Variants in CAB39 observed in about 807,000 individuals in gnomAD.
CAB39 encodes the protein calcium-binding protein 39.
Under a neutral mutation model 40.0 loss-of-function variants are expected in CAB39, and 8 were observed. The ratio of observed to expected loss-of-function variants is 0.20; its 90% CI spans 0.12 to 0.36. The LOEUF (loss-of-function observed/expected upper bound fraction) is 0.36. CAB39 is among the 10% of genes least tolerant of loss of function. The pLI, the probability that CAB39 is intolerant of heterozygous loss-of-function variation, is 1.00. For synonymous variants in CAB39, 156 were observed against 141.6 expected (o/e 1.10, Z -0.72); for missense variants, 270 against 401.1 (o/e 0.67, Z 2.79).
intron 1 of CAB39, among the ~76,000 whole-genome samples, chr2:230,748,831 A>AAAAATATATATATATATATATAT (rs1386799920): frequency 3.5e-5 from 1 of 28,512 alleles, no homozygotes; most frequent in Non-Finnish European, 6.3e-5. Context: ...AAAAAAAAAA[A>AAAAATATATATATATATATATAT]ATATATATAT....
At chr2:230,779,553 C>T (rs1219635306) in intron 2 of CAB39, 1 of 152,162 alleles carries the variant, frequency 6.6e-6, no homozygotes, top group African/African-American at 2.4e-5. Context: ...GCAGTCTGCC[C>T]ATGAAAAGTA....
rs182061001 is a variant in CAB39 at position 230,763,465 on chromosome 2, G to A, written c.114+3350G>A. 2.6e-3 allele frequency among the ~76,000 whole-genome samples: 395 copies of A among 152,024 alleles called. 3 individuals are homozygous for A. The highest frequency in any genetic ancestry group is 8.8e-3 in the African/African-American group (366 of 41,470). ...AAATTAGCCAGGCACGGTGGCACAC[G>A]CCTGTAATCCCAGCTACTCAAAGAG... On this transcript the variant is annotated intron_variant, in intron 2 of 8. Coordinates refer to ENST00000258418, the MANE Select transcript of CAB39 (RefSeq NM_016289.4).
intron 5 of CAB39, among the ~76,000 whole-genome samples, chr2:230,800,223 G>A (rs1216501158): frequency 6.6e-6 from 1 of 152,038 alleles, no homozygotes; most frequent in East Asian, 1.9e-4. Context: ...TCCCACCTCA[G>A]AGTGAATGAA....
intron 2 of CAB39, among the ~76,000 whole-genome samples, chr2:230,788,809 C>T (rs1695842212): frequency 1.3e-5 from 2 of 152,036 alleles, no homozygotes; most frequent in African/African-American, 4.8e-5. Context: ...TATTTTTTCC[C>T]TCTGGCTACT....
At chr2:230,757,429 A>G (rs1276263247) in intron 1 of CAB39, among the ~76,000 whole-genome samples, 1 of 152,154 alleles carries the variant, frequency 6.6e-6, no homozygotes, top group Non-Finnish European at 1.5e-5. Flanking sequence ...TTACTAGTTC[A>G]TATGTTCTGT....
intron 1 of CAB39, among the ~76,000 whole-genome samples, chr2:230,732,001 A>G (rs1255152122): frequency 1.3e-5 from 2 of 152,164 alleles, no homozygotes; most frequent in African/African-American, 4.8e-5. Flanking sequence ...AAATCTACAG[A>G]AAGTAGAATT....
intron 5 of CAB39, among the ~76,000 whole-genome samples, chr2:230,805,799 A>T (rs7584649): frequency 6.6e-6 from 1 of 152,220 alleles, no homozygotes; most frequent in East Asian, 1.9e-4. Context: ...TGTATGTTAT[A>T]TCCATATGCT....
At chr2:230,766,193 A>C (rs183929394) in intron 2 of CAB39, among the ~76,000 whole-genome samples, 1 of 152,364 alleles carries the variant, frequency 6.6e-6, no homozygotes, top group African/African-American at 2.4e-5. Context: ...TCTGATGACT[A>C]TAAACCCAGG....
chr2:230,759,200 T>G (rs1042346284), intron 1 of CAB39, among the ~76,000 whole-genome samples: 1 of 152,160 alleles, frequency 6.6e-6, no homozygotes, highest in African/African-American at 2.4e-5. Flanking sequence ...ATGGGAGATT[T>G]TATTCCCCTG....
intron 1 of CAB39, among the ~76,000 whole-genome samples, chr2:230,737,868 A>C (rs1015127474): frequency 1.3e-5 from 2 of 152,226 alleles, no homozygotes; most frequent in African/African-American, 4.8e-5. Context: ...GTCAACACTT[A>C]CCTGGAAAGC....
intron 1 of CAB39, among the ~76,000 whole-genome samples, chr2:230,728,632 C>T (rs1210486804): frequency 6.6e-6 from 1 of 152,154 alleles, no homozygotes; most frequent in Non-Finnish European, 1.5e-5. Context: ...TTTTTTGAGA[C>T]AGGGTCTTGC....
chr2:230,715,376 A>G (rs1694329929), intron 1 of CAB39, among the ~76,000 whole-genome samples: 1 of 152,168 alleles, frequency 6.6e-6, no homozygotes, highest in Non-Finnish European at 1.5e-5. Flanking sequence ...TTGTTGAATA[A>G]AGTTTTTCTT....
At chr2:230,774,433 G>A (rs1162955916) in intron 2 of CAB39, among the ~76,000 whole-genome samples, 1 of 152,048 alleles carries the variant, frequency 6.6e-6, no homozygotes, top group Non-Finnish European at 1.5e-5. Flanking sequence ...TTTTAAAAAA[G>A]CGGTTAATGT....
chr2:230,819,026 T>C lies in CAB39; in HGVS notation c.*322T>C, dbSNP rs775564148. Reference sequence around the variant, plus strand: ...TGGTTTAGGAAAGAGGGCACTGATATCAGATTAGACCTATGTGTTTGCACC... The same window carrying C: ...TGGTTTAGGAAAGAGGGCACTGATACCAGATTAGACCTATGTGTTTGCACC... On this transcript the variant is annotated 3_prime_UTR_variant, in exon 9 of 9. Coordinates refer to ENST00000258418, the MANE Select transcript of CAB39 (RefSeq NM_016289.4). 7.7e-5 allele frequency: 20 copies of C among 260,208 alleles called. No individual in the cohort carries two copies. The highest frequency in any genetic ancestry group is 1.3e-3 in the Middle Eastern group (1 of 778). The allele number at this position is 260,208 out of a possible 1,614,324, so 16.1% of individuals were successfully genotyped here. A position where few individuals can be genotyped will look rare whatever the true frequency, so the allele number is the denominator to read the frequency against.
chr2:230,725,455 A>C (rs1575900905), intron 1 of CAB39: 6 of 1,443,286 alleles, frequency 4.2e-6, no homozygotes, highest in East Asian at 2.3e-5. Context: ...TCCTCCCGCC[A>C]CCCGGCCACT....
intron 3 of CAB39, 77 bp downstream of exon 3, chr2:230,791,113 C>A: frequency 9.9e-6 from 11 of 1,108,206 alleles, no homozygotes; most frequent in Non-Finnish European, 1.4e-5. Flanking sequence ...TCTTTTGGAA[C>A]ATTGTAAGAT....
chr2:230,787,468 T>C (rs764946478), intron 2 of CAB39, among the ~76,000 whole-genome samples: 6 of 152,216 alleles, frequency 3.9e-5, no homozygotes, highest in Non-Finnish European at 7.4e-5. Context: ...GATGGGCTGA[T>C]GAGATTAAAT....
intron 1 of CAB39, among the ~76,000 whole-genome samples, chr2:230,720,899 T>C (rs1280604983): frequency 1.3e-5 from 2 of 152,230 alleles, no homozygotes; most frequent in African/African-American, 4.8e-5. Context: ...GATACTCTTT[T>C]GGCTCCCATC....
chr2:230,743,463 T>C (rs1694919233), intron 1 of CAB39, among the ~76,000 whole-genome samples: 1 of 152,236 alleles, frequency 6.6e-6, no homozygotes, highest in Admixed American at 6.5e-5. Context: ...AAAATACGTA[T>C]TTACTTTTAT....
Sources: gnomAD v4.1 joint callset for allele counts (sites outside exome capture counted in the v4.1 genomes callset) on GRCh38, gnomAD v4.1.1 for gene constraint, MANE v1.5 for transcripts, NCBI Gene and HGNC (gene_info 2026-07-23, HGNC 2026-07-21) for gene names.